Variants in KLHL8 observed in about 807,000 individuals in gnomAD.
KLHL8 encodes the protein kelch-like protein 8.
KLHL8 carries 38 observed loss-of-function variants against 63.5 expected under a neutral mutation model. The ratio of observed to expected loss-of-function variants is 0.60; its 90% CI spans 0.46 to 0.78. The LOEUF is 0.78. Among genes scored for constraint, KLHL8 ranks in the 30% least tolerant of loss-of-function variants. KLHL8 has a pLI of 0.00. For synonymous variants in KLHL8, 224 were observed against 254.3 expected (o/e 0.88, Z 1.13); for missense variants, 566 against 752.4 (o/e 0.75, Z 2.90).
intron 1 of KLHL8, among the ~76,000 whole-genome samples, chr4:87,213,415 C>A (rs1017357582): frequency 6.6e-6 from 1 of 152,106 alleles, no homozygotes; most frequent in East Asian, 1.9e-4. Context: ...ATGTTTGAAA[C>A]CAAACGAAAA....
chr4:87,232,902 T>C (rs1426516061), intron 1 of KLHL8, among the ~76,000 whole-genome samples: 4 of 152,082 alleles, frequency 2.6e-5, no homozygotes, highest in Non-Finnish European at 5.9e-5. Flanking sequence ...TCCAATTAGT[T>C]TTTTTTAGGT....
At chr4:87,169,122 C>T (rs10050249) in intron 8 of KLHL8, among the ~76,000 whole-genome samples, 12,041 of 151,912 alleles carry the variant, frequency 0.079, 640 homozygotes, top group Non-Finnish European at 0.12. Flanking sequence ...CTGGCAAACA[C>T]GATGAAACCC....
chr4:87,218,067 T>C (rs1374178490), intron 1 of KLHL8, among the ~76,000 whole-genome samples: 1 of 152,182 alleles, frequency 6.6e-6, no homozygotes, highest in African/African-American at 2.4e-5. Flanking sequence ...CATGTCAATG[T>C]AGGTTCATCA....
chr4:87,205,495 G>A (rs1354085951), intron 1 of KLHL8, among the ~76,000 whole-genome samples: 1 of 152,160 alleles, frequency 6.6e-6, no homozygotes, highest in African/African-American at 2.4e-5. Context: ...CGTTCTAATT[G>A]CATGTAAATT....
chr4:87,233,233 G>T (rs1345090595), intron 1 of KLHL8, among the ~76,000 whole-genome samples: 1 of 152,028 alleles, frequency 6.6e-6, no homozygotes, highest in African/African-American at 2.4e-5. Context: ...AGTAGAGACA[G>T]GGTTTTACCA....
intron 1 of KLHL8, among the ~76,000 whole-genome samples, chr4:87,218,003 CA>C (rs1408759595): frequency 6.6e-6 from 1 of 151,992 alleles, no homozygotes; most frequent in Non-Finnish European, 1.5e-5. Context: ...GTTATTTGTC[CA>C]AACCCACAGA....
chr4:87,227,565 C>T (rs772012645), intron 1 of KLHL8, among the ~76,000 whole-genome samples: 1 of 152,048 alleles, frequency 6.6e-6, no homozygotes, highest in Non-Finnish European at 1.5e-5. Context: ...TGGGAGGATC[C>T]CTTGAGCCCA....
At chr4:87,165,038 A>C (rs1324478312) in intron 8 of KLHL8, among the ~76,000 whole-genome samples, 1 of 151,030 alleles carries the variant, frequency 6.6e-6, no homozygotes, top group Admixed American at 6.6e-5. Context: ...AGTCCCAGCT[A>C]CTCGGGAGGC....
intron 9 of KLHL8, 32 bp downstream of exon 9, chr4:87,163,846 A>G (rs1730271304): frequency 6.3e-7 from 1 of 1,596,338 alleles, no homozygotes; most frequent in Non-Finnish European, 8.6e-7. Flanking sequence ...ACCAGAAGAT[A>G]ATATAAAGCA....
At chr4:87,164,878 G>C (rs1052087723) in intron 8 of KLHL8, among the ~76,000 whole-genome samples, 48 of 152,222 alleles carry the variant, frequency 3.2e-4, no homozygotes, top group Admixed American at 1.1e-3. Flanking sequence ...GCCGGGCGCG[G>C]TGGCTCACGC....
chr4:87,172,580 C>G (rs1730676241), intron 6 of KLHL8, among the ~76,000 whole-genome samples: 1 of 152,178 alleles, frequency 6.6e-6, no homozygotes, highest in Admixed American at 6.5e-5. Context: ...GAAATCATAC[C>G]ATTATCCATC....
intron 1 of KLHL8, among the ~76,000 whole-genome samples, chr4:87,216,321 C>G (rs894371745): frequency 4.6e-5 from 7 of 152,142 alleles, no homozygotes; most frequent in African/African-American, 1.7e-4. Flanking sequence ...TCAAAAATAG[C>G]CTGTTCTCTT....
Position 87,170,188 on chromosome 4 carries a change from G to A in KLHL8, c.1428C>T (p.Ser476=), listed in dbSNP as rs1473993163. The change falls in exon 8 of 10, where the codon AGC becomes AGT. Residue 476 remains serine (S), a synonymous_variant. Transcript: ENST00000273963. ...CCAGATGTGGATCATATCTCTCCAC[G>A]CTAGATAAAGAAGCCATTCCATCAT... ...GGNDGMASLS[S]VERYDPHLDK... 4.3e-6 allele frequency: 7 copies of A among 1,613,534 alleles called. No homozygotes were observed. The highest frequency in any genetic ancestry group is 1.6e-4 in the Middle Eastern group (1 of 6,084).
rs1413554733 is a variant in KLHL8, at chr4:87,161,906, T to TG, written c.*1612dup. The TG allele has an allele frequency of 2.0e-5, 3 of 152,274 alleles. No individual in the cohort carries two copies. Among genetic ancestry groups the TG allele is most frequent in the African/African-American group, 7.2e-5 (3 of 41,478 alleles). The allele number at this position is 152,274 out of a possible 1,614,324, so 9.4% of individuals were successfully genotyped here. A position where few individuals can be genotyped will look rare whatever the true frequency, so the allele number is the denominator to read the frequency against. ...CATAAGAGACTTTTATCTGCCAGCC[T>TG]GACCCCTCTTAAAACTTTTTTTTTT... On this transcript the variant is annotated 3_prime_UTR_variant, in exon 10 of 10. Coordinates refer to ENST00000273963, the MANE Select transcript of KLHL8 (RefSeq NM_020803.5).
chr4:87,235,002 G>C (rs1403757142), intron 1 of KLHL8, among the ~76,000 whole-genome samples: 2 of 152,168 alleles, frequency 1.3e-5, no homozygotes, highest in Non-Finnish European at 2.9e-5. Context: ...TGGCTGTACA[G>C]TGTGTTCTAA....
At chr4:87,221,519 A>T (rs866212265), upstream of KLHL8, 1 of 152,058 alleles carries the variant, frequency 6.6e-6, no homozygotes, top group South Asian at 2.1e-4. Flanking sequence ...AAAAAACAAA[A>T]TTTTTTTTAA....
At chr4:87,207,627 C>A in intron 1 of KLHL8, 1 of 1,221,518 alleles carries the variant, frequency 8.2e-7, no homozygotes. Flanking sequence ...TCCATGCCAT[C>A]ACTGCCACCC....
At chr4:87,207,838 C>T in intron 1 of KLHL8, 1 of 1,440,270 alleles carries the variant, frequency 6.9e-7, no homozygotes, top group Non-Finnish European at 9.7e-7. Context: ...TCTGGAAAAA[C>T]CTGCCAAATA....
intron 1 of KLHL8, among the ~76,000 whole-genome samples, chr4:87,236,210 CTTTTTTTTT>C (rs35028616): frequency 2.2e-5 from 3 of 135,842 alleles, no homozygotes; most frequent in African/African-American, 8.5e-5. Flanking sequence ...TTTCCTTTTC[CTTTTTTTTT>C]TTTTTTTGAG....
Sources: allele counts gnomAD v4.1 joint callset (sites outside exome capture counted in the v4.1 genomes callset), GRCh38; gene constraint gnomAD v4.1.1; transcripts MANE v1.5; gene names NCBI Gene and HGNC (gene_info 2026-07-23, HGNC 2026-07-21).